Variants in BCO1 observed in about 807,000 individuals in gnomAD.
BCO1 encodes beta,beta-carotene 15,15'-dioxygenase.
Under a neutral mutation model 56.3 loss-of-function variants are expected in BCO1, and 54 were observed. The ratio of observed to expected loss-of-function variants is 0.96; its 90% confidence interval spans 0.77 to 1.20. BCO1 has a LOEUF of 1.20. BCO1 is among the 50% of genes most tolerant of loss of function. BCO1 has a pLI of 0.00. For missense variants in BCO1, 801 were observed against 690.9 expected (o/e 1.16, Z -1.79); for synonymous variants, 318 against 266.1 (o/e 1.20, Z -1.90).
At chr16:81,262,940 C>G (rs535929253) in intron 4 of BCO1, 1 of 156,874 alleles carries the variant, frequency 6.4e-6, no homozygotes, top group African/African-American at 2.4e-5. Context: ...TCAGCCCGGC[C>G]ATGCTCTCTC....
chr16:81,288,437 T>C (rs1258027571), intron 10 of BCO1, among the ~76,000 whole-genome samples: 1 of 152,118 alleles, frequency 6.6e-6, no homozygotes, highest in Non-Finnish European at 1.5e-5. Flanking sequence ...TCATTCTTTT[T>C]ATTTTTTTGT....
At chr16:81,263,406 TAG>T (rs1289879929) in intron 4 of BCO1, 4 of 152,236 alleles carry the variant, frequency 2.6e-5, no homozygotes, top group African/African-American at 9.6e-5. Context: ...CTGCCTTTTA[TAG>T]AGACACAAGT....
Position 81,259,733 on chromosome 16 carries a change from A to G in BCO1, c.251A>G (p.Glu84Gly). 6.2e-7 allele frequency: 1 copy of G among 1,614,202 alleles called. No homozygotes were observed. Among genetic ancestry groups the G allele is most frequent in the Non-Finnish European group, 8.5e-7 (1 of 1,180,024 alleles). ...LRSDTYNTNI[E>G]ANRIVVSEFG... ...AGCGATACCTACAACACCAATATTGAGGCAAACAGGATTGTGGTGTCTGAG... is the reference window on the plus strand; with the variant it reads ...AGCGATACCTACAACACCAATATTGGGGCAAACAGGATTGTGGTGTCTGAG... The change falls in exon 3 of 11, where the codon GAG (glutamate) becomes GGG (glycine). Residue 84 changes from glutamate to glycine, a missense_variant. By Grantham distance (98) the Glu-to-Gly change is moderately conservative. Coordinates refer to ENST00000258168, the MANE Select transcript of BCO1 (RefSeq NM_017429.3).
intron 1 of BCO1, among the ~76,000 whole-genome samples, chr16:81,239,486 A>C (rs1905019790): frequency 6.6e-6 from 1 of 152,218 alleles, no homozygotes; most frequent in African/African-American, 2.4e-5. Context: ...GAGGAGAGTC[A>C]GTCTCACTGT....
intron 8 of BCO1, among the ~76,000 whole-genome samples, chr16:81,282,112 C>T (rs1440688298): frequency 6.6e-6 from 1 of 152,210 alleles, no homozygotes; most frequent in Non-Finnish European, 1.5e-5. Flanking sequence ...GGCACGGTGG[C>T]TCACGCCTGT....
intron 3 of BCO1, 98 bp downstream of exon 3, chr16:81,259,903 G>A (rs1906379545): frequency 2.0e-6 from 3 of 1,509,074 alleles, no homozygotes; most frequent in African/African-American, 2.8e-5. Flanking sequence ...TCTCTTTAGG[G>A]TAGATGAAAA....
intron 1 of BCO1, among the ~76,000 whole-genome samples, chr16:81,239,317 T>C (rs2151921973): frequency 1.3e-5 from 2 of 152,244 alleles, no homozygotes; most frequent in Non-Finnish European, 2.9e-5. Context: ...GCACCTGGCT[T>C]CTTCCTTGTG....
chr16:81,276,400 C>G (rs1907557574), intron 7 of BCO1, among the ~76,000 whole-genome samples: 1 of 152,208 alleles, frequency 6.6e-6, no homozygotes, highest in African/African-American at 2.4e-5. Flanking sequence ...CTGAAGGGCC[C>G]AGCCTTGCTT....
chr16:81,287,107 G>T (rs534055013), intron 9 of BCO1, among the ~76,000 whole-genome samples, 188 bp from the exon 10 acceptor site: 66 of 152,230 alleles, frequency 4.3e-4, no homozygotes, highest in African/African-American at 1.4e-3. Flanking sequence ...AAAACTGGGG[G>T]AGGAGAGTTA....
intron 10 of BCO1, among the ~76,000 whole-genome samples, chr16:81,290,131 G>A (rs138428027): frequency 2.6e-5 from 4 of 152,254 alleles, no homozygotes; most frequent in Non-Finnish European, 5.9e-5. Flanking sequence ...CCAAAGTGGC[G>A]GGATTACAGG....
chr16:81,251,894 ATATATC>A (rs1415336785), intron 2 of BCO1, among the ~76,000 whole-genome samples: 2 of 125,346 alleles, frequency 1.6e-5, no homozygotes, highest in African/African-American at 7.3e-5. Context: ...GTGTGTGTAT[ATATATC>A]TATATCTTCC....
intron 9 of BCO1, 85 bp downstream of exon 9, chr16:81,285,719 A>G (rs1391375259): frequency 9.4e-7 from 1 of 1,065,372 alleles, no homozygotes; most frequent in South Asian, 1.3e-5. Context: ...TGAGACGTTG[A>G]TTAGAAAAGA....
At chr16:81,248,740 G>A (rs903889475) in intron 2 of BCO1, among the ~76,000 whole-genome samples, 2 of 152,080 alleles carry the variant, frequency 1.3e-5, no homozygotes, top group African/African-American at 2.4e-5. Context: ...GGCCGGGCGC[G>A]GTGGCTCACG....
chr16:81,270,033 A>C (rs967650963), intron 6 of BCO1, 126 bp from the exon 7 acceptor site: 14 of 1,218,814 alleles, frequency 1.1e-5, no homozygotes, highest in African/African-American at 2.9e-5. Context: ...GCACACACAG[A>C]ATGCAGAATG....
At chr16:81,266,832 A>C (rs1179002226) in intron 5 of BCO1, among the ~76,000 whole-genome samples, 1 of 152,184 alleles carries the variant, frequency 6.6e-6, no homozygotes, top group Non-Finnish European at 1.5e-5. Context: ...CCCAGGCCAC[A>C]GTGCTTTTCG....
At chr16:81,254,090 A>G (rs1342161904) in intron 2 of BCO1, among the ~76,000 whole-genome samples, 3 of 152,188 alleles carry the variant, frequency 2.0e-5, no homozygotes, top group East Asian at 3.9e-4. Flanking sequence ...TGGAGGAGGA[A>G]CTAGCAGGTC....
At chr16:81,239,059 C>G in intron 1 of BCO1, 87 bp downstream of exon 1, 1 of 1,213,664 alleles carries the variant, frequency 8.2e-7, no homozygotes, top group Non-Finnish European at 1.2e-6. Context: ...CTCTGTCGCC[C>G]GGGCTGGAGT....
At chr16:81,282,439 G>GC (rs1314112763) in intron 8 of BCO1, among the ~76,000 whole-genome samples, 1 of 152,082 alleles carries the variant, frequency 6.6e-6, no homozygotes, top group African/African-American at 2.4e-5. Flanking sequence ...TCCATCAGCT[G>GC]CCCCATGCCA....
chr16:81,279,168 A>T (rs955203643), intron 7 of BCO1, among the ~76,000 whole-genome samples: 2 of 152,094 alleles, frequency 1.3e-5, no homozygotes, highest in Non-Finnish European at 2.9e-5. Context: ...TCCCCCAGCT[A>T]CTCAGGAGGC....
Sources: gnomAD v4.1 joint callset for allele counts (sites outside exome capture counted in the v4.1 genomes callset) on GRCh38, gnomAD v4.1.1 for gene constraint, MANE v1.5 for transcripts, NCBI Gene and HGNC (gene_info 2026-07-23, HGNC 2026-07-21) for gene names.